The following PRKG1 variants were observed in gnomAD, a reference collection of about 807,000 sequenced individuals.
The protein encoded by PRKG1 is cGMP-dependent protein kinase 1.
In PRKG1, 35 loss-of-function variants were observed where a neutral mutation model predicts 88.1. The ratio of observed to expected loss-of-function variants is 0.40; its 90% CI spans 0.30 to 0.53. The LOEUF (loss-of-function observed/expected upper bound fraction) is 0.53, where lower values mean the gene tolerates loss of function less well. Ranked by LOEUF, PRKG1 falls within the 20% of genes least tolerant of loss-of-function variation. The probability of loss-of-function intolerance (pLI) is 0.59; values close to 1 mark genes in which losing one functional copy is unlikely to be tolerated. For synonymous variants in PRKG1, 303 were observed against 292.5 expected (o/e 1.04, Z -0.37); for missense variants, 540 against 839.8 (o/e 0.64, Z 4.41).
intron 4 of PRKG1, among the ~76,000 whole-genome samples, chr10:51,893,345 A>G (rs1163742384): frequency 6.6e-6 from 1 of 152,066 alleles, no homozygotes; most frequent in African/African-American, 2.4e-5. Context: ...GATACTTTAC[A>G]CAGACCAGGG....
chr10:51,018,617 A>G lies in PRKG1; in HGVS notation c.266+26973A>G, dbSNP rs181518687. 1.6e-3 allele frequency among the ~76,000 whole-genome samples: 242 copies of G among 152,336 alleles called. 1 individual carries two copies. Among genetic ancestry groups the G allele is most frequent in the African/African-American group, 5.7e-3 (239 of 41,580 alleles). On this transcript the variant is annotated intron_variant, in intron 1 of 17. Transcript: ENST00000401604. ...TTAGGTCTCCTGATTCTCAAGGTCA[A>G]CATTCTTATTTCCATTAATCACTCA...
chr10:52,263,187 G>A (rs1203214322), intron 10 of PRKG1, among the ~76,000 whole-genome samples: 2 of 152,092 alleles, frequency 1.3e-5, no homozygotes, highest in Non-Finnish European at 2.9e-5. Context: ...TTTTAAAAAT[G>A]TGTCAATATT....
chr10:51,763,382 C>A (rs539911990), intron 3 of PRKG1, among the ~76,000 whole-genome samples: 11 of 151,786 alleles, frequency 7.2e-5, no homozygotes, highest in Non-Finnish European at 1.5e-4. Flanking sequence ...CAGGTGTGTG[C>A]CACCATACAC....
chr10:51,241,980 A>C (rs891624464), intron 2 of PRKG1, among the ~76,000 whole-genome samples: 1 of 151,588 alleles, frequency 6.6e-6, no homozygotes, highest in Non-Finnish European at 1.5e-5. Flanking sequence ...GGAACAATAA[A>C]AAAAAAAAAA....
intron 9 of PRKG1, among the ~76,000 whole-genome samples, chr10:52,197,998 G>A (rs1037073911): frequency 6.6e-6 from 1 of 152,114 alleles, no homozygotes; most frequent in African/African-American, 2.4e-5. Context: ...CCACTGGGAG[G>A]ACACAAAGTA....
At chr10:52,256,961 C>A (rs1418097290) in intron 10 of PRKG1, among the ~76,000 whole-genome samples, 1 of 139,134 alleles carries the variant, frequency 7.2e-6, no homozygotes, top group Non-Finnish European at 1.6e-5. Context: ...AATTGTGAAG[C>A]CCCACCTCTT....
intron 3 of PRKG1, among the ~76,000 whole-genome samples, chr10:51,781,921 C>T (rs1472857493): frequency 1.3e-5 from 2 of 151,244 alleles, no homozygotes; most frequent in African/African-American, 4.9e-5. Context: ...TCATCACGTT[C>T]CCCCTCACTT....
At chr10:51,055,936 T>C (rs547370219) in intron 1 of PRKG1, among the ~76,000 whole-genome samples, 11 of 152,254 alleles carry the variant, frequency 7.2e-5, no homozygotes, top group Non-Finnish European at 1.5e-4. Flanking sequence ...ACATTACTTA[T>C]GGACAGACTA....
chr10:52,276,958 C>A (rs1564542589), intron 12 of PRKG1, among the ~76,000 whole-genome samples: 1 of 152,060 alleles, frequency 6.6e-6, no homozygotes, highest in Non-Finnish European at 1.5e-5. Context: ...AAGTTTGAGA[C>A]AAGGTTTTCA....
intron 3 of PRKG1, among the ~76,000 whole-genome samples, chr10:51,601,732 T>G (rs1052891540): frequency 9.6e-5 from 4 of 41,510 alleles, no homozygotes; most frequent in African/African-American, 6.0e-4. Flanking sequence ...TTTTTTTTTT[T>G]TTTTTTTTTT....
intron 4 of PRKG1, among the ~76,000 whole-genome samples, chr10:51,905,895 G>A (rs1842075858): frequency 6.6e-6 from 1 of 152,136 alleles, no homozygotes; most frequent in Non-Finnish European, 1.5e-5. Flanking sequence ...TGAAAATACA[G>A]GGGGTTGAAA....
chr10:51,595,932 G>A (rs1838435363), intron 3 of PRKG1, among the ~76,000 whole-genome samples: 1 of 152,018 alleles, frequency 6.6e-6, no homozygotes, highest in Admixed American at 6.5e-5. Context: ...CCGGATTCAA[G>A]CGATTCTCCT....
At chr10:51,414,279 G>A (rs1467481404) in intron 2 of PRKG1, among the ~76,000 whole-genome samples, 2 of 152,166 alleles carry the variant, frequency 1.3e-5, no homozygotes, top group Non-Finnish European at 2.9e-5. Flanking sequence ...AAGAATGATG[G>A]GTAGGTCCAA....
intron 9 of PRKG1, among the ~76,000 whole-genome samples, chr10:52,192,763 G>T (rs1839398472): frequency 6.6e-6 from 1 of 151,982 alleles, no homozygotes; most frequent in African/African-American, 2.4e-5. Context: ...ATATATATTT[G>T]TTTGGATGTA....
chr10:52,286,942 G>A (rs931531413), intron 14 of PRKG1, among the ~76,000 whole-genome samples: 6 of 151,886 alleles, frequency 4.0e-5, no homozygotes, highest in African/African-American at 1.4e-4. Flanking sequence ...TTCATCAAAT[G>A]TAGAGCATTC....
chr10:51,554,024 GATACGTGTATATATT>G (rs1837224052), intron 3 of PRKG1, among the ~76,000 whole-genome samples: 1 of 140,782 alleles, frequency 7.1e-6, no homozygotes, highest in East Asian at 2.0e-4. Flanking sequence ...GTGCGTATGT[GATACGTGTATATATT>G]ATATGTGCGT....
At chr10:51,544,507 A>T (rs1842398118) in intron 3 of PRKG1, among the ~76,000 whole-genome samples, 4 of 152,104 alleles carry the variant, frequency 2.6e-5, no homozygotes, top group Non-Finnish European at 1.5e-5. Context: ...ATAGTGCCAC[A>T]GTAAACATAC....
At chr10:51,576,446 G>T (rs1254740567) in intron 3 of PRKG1, among the ~76,000 whole-genome samples, 2 of 151,814 alleles carry the variant, frequency 1.3e-5, no homozygotes, top group Non-Finnish European at 2.9e-5. Flanking sequence ...CTCAAAAATA[G>T]CAGGGCCCTT....
Position 51,463,778 on chromosome 10 carries a change from C to T in PRKG1, c.479-3945C>T, listed in dbSNP as rs370372543. Among the ~76,000 whole-genome samples, 23 of 152,296 alleles carry T rather than the reference C, an allele frequency of 1.5e-4. No homozygotes were observed. The South Asian group carries it at 1.7e-3, about 11-fold the overall frequency. On this transcript the variant is annotated intron_variant, in intron 2 of 17. Coordinates refer to ENST00000373980, the MANE Select transcript of PRKG1 (RefSeq NM_006258.4). Reference sequence around the variant, plus strand: ...CATATCAGACCAGTAACTCACTAGACTCTTAGAAAATTGGGATACTTCTAA... The same window carrying T: ...CATATCAGACCAGTAACTCACTAGATTCTTAGAAAATTGGGATACTTCTAA...
Sources: gnomAD v4.1 joint callset for allele counts (sites outside exome capture counted in the v4.1 genomes callset) on GRCh38, gnomAD v4.1.1 for gene constraint, MANE v1.5 for transcripts, NCBI Gene and HGNC (gene_info 2026-07-23, HGNC 2026-07-21) for gene names.